HK2: variants seen among roughly 807,000 people sequenced by gnomAD.
The protein encoded by HK2 is hexokinase-2.
Under a neutral mutation model 92.9 loss-of-function variants are expected in HK2, and 42 were observed. That is an observed-to-expected ratio of 0.45 (90% CI 0.35 to 0.58). The LOEUF is 0.58. HK2 is among the 20% of genes least tolerant of loss of function. The pLI, the probability that HK2 is intolerant of heterozygous loss-of-function variation, is 0.00. For synonymous variants in HK2, 422 were observed against 468.0 expected, an observed-to-expected ratio of 0.90 and a Z score of 1.27; for missense variants, 978 against 1,245.1, an observed-to-expected ratio of 0.79 and a Z score of 3.23.
chr2:74,847,800 G>A (rs1172084224), intron 1 of HK2, among the ~76,000 whole-genome samples: 1 of 152,134 alleles, frequency 6.6e-6, no homozygotes, highest in African/African-American at 2.4e-5. Flanking sequence ...TCATCCCATC[G>A]GCCTATAACA....
At chr2:74,837,675 T>C (rs1004187733) in intron 1 of HK2, among the ~76,000 whole-genome samples, 3 of 142,546 alleles carry the variant, frequency 2.1e-5, no homozygotes, top group African/African-American at 8.0e-5. Flanking sequence ...CCCTTGTCTT[T>C]TTTTTTTTTT....
At chr2:74,881,941 C>A in intron 11 of HK2, 82 bp downstream of exon 11, 1 of 1,535,586 alleles carries the variant, frequency 6.5e-7, no homozygotes, top group Non-Finnish European at 9.0e-7. Context: ...CTCTGCTCAT[C>A]TGTGACCCTG....
chr2:74,843,968 A>T (rs1371095442), intron 1 of HK2, among the ~76,000 whole-genome samples: 1 of 152,166 alleles, frequency 6.6e-6, no homozygotes, highest in Non-Finnish European at 1.5e-5. Context: ...TCCTGTTATT[A>T]TCTATTATTC....
At position 74,839,324 on chromosome 2, in the gene HK2, C is replaced by T. The variant is rs556983316; in HGVS notation, c.63+4681C>T. ...CTTGGCACATTTTGGACACCTACCA[C>T]GTGCCATTAGTCCGCACGTATGGGA... On this transcript the variant is annotated intron_variant, in intron 1 of 17. Transcript: ENST00000290573. Among the ~76,000 whole-genome samples, 34 of 152,274 alleles carry T rather than the reference C, an allele frequency of 2.2e-4. No homozygotes were observed. In the Middle Eastern group the frequency reaches 0.01, roughly 46 times the overall value.
intron 2 of HK2, among the ~76,000 whole-genome samples, chr2:74,866,815 G>C (rs1255302152): frequency 1.3e-5 from 2 of 152,270 alleles, no homozygotes; most frequent in East Asian, 3.9e-4. Context: ...CTTTGAGGGG[G>C]CACCTGCTTG....
At chr2:74,871,425 C>T (rs549447075) in intron 3 of HK2, among the ~76,000 whole-genome samples, 1 of 152,332 alleles carries the variant, frequency 6.6e-6, no homozygotes, top group East Asian at 1.9e-4. Flanking sequence ...ACCTGAATGC[C>T]TCTAGTCTCA....
intron 16 of HK2, 120 bp downstream of exon 16, chr2:74,888,178 C>A: frequency 2.0e-6 from 2 of 1,014,712 alleles, no homozygotes; most frequent in Non-Finnish European, 3.1e-6. Context: ...TAGTGGCAAA[C>A]ACATTCATGT....
intron 1 of HK2, among the ~76,000 whole-genome samples, chr2:74,838,336 A>C (rs2422043): frequency 0.23 from 34,505 of 151,974 alleles, 4,383 homozygotes; most frequent in South Asian, 0.35. Context: ...AGGGCCAGCT[A>C]GTCTTAGGCT....
In HK2 at chr2:74,880,263, A is replaced by T; in HGVS notation, c.1266-2A>T. On this transcript the variant is annotated splice_acceptor_variant, in intron 9 of 17. Transcript: ENST00000290573. LOFTEE classifies it high-confidence loss of function. ...TCTCTTACCCGCCCTGGGGAACTGC[A>T]GTTTTGCCAAGCGTCTACATAAGAC... The T allele has an allele frequency of 6.2e-7, 1 of 1,614,104 alleles. No individual in the cohort carries two copies. Among genetic ancestry groups the T allele is most frequent in the Non-Finnish European group, 8.5e-7 (1 of 1,180,032 alleles).
intron 1 of HK2, 70 bp from the exon 2 acceptor site, chr2:74,854,223 T>A: frequency 2.8e-6 from 4 of 1,420,818 alleles, no homozygotes; most frequent in Non-Finnish European, 4.0e-6. Flanking sequence ...TGAGTGGTGT[T>A]CCATGACGTA....
At chr2:74,889,171 TC>T in intron 16 of HK2, 73 bp from the exon 17 acceptor site, 1 of 1,252,796 alleles carries the variant, frequency 8.0e-7, no homozygotes, top group Non-Finnish European at 1.1e-6. Flanking sequence ...CTGTAAGGAC[TC>T]AGGCCCTGGT....
At chr2:74,854,232 T>C in intron 1 of HK2, 61 bp from the exon 2 acceptor site, 1 of 1,496,740 alleles carries the variant, frequency 6.7e-7, no homozygotes, top group Non-Finnish European at 9.3e-7. Flanking sequence ...TTCCATGACG[T>C]ACACCTATGC....
intron 1 of HK2, among the ~76,000 whole-genome samples, chr2:74,843,236 TCTTTGCCCCTCATATACAGAC>T (rs1688357998): frequency 6.6e-6 from 1 of 152,152 alleles, no homozygotes; most frequent in South Asian, 2.1e-4. Context: ...GGCAGTCAGC[TCTTTGCCCCTCATATACAGAC>T]CCTGGGCTGT....
chr2:74,877,403 C>T lies in HK2; in HGVS notation c.1031+82C>T, dbSNP rs116187651. 8.6e-4 allele frequency: 1,279 copies of T among 1,487,558 alleles called. 8 individuals are homozygous for T. In the African/African-American group the frequency reaches 0.016, roughly 18 times the overall value. The allele number at this position is 1,487,558 out of a possible 1,614,324, so 92.1% of individuals were successfully genotyped here. A position where few individuals can be genotyped will look rare whatever the true frequency, so the allele number is the denominator to read the frequency against. On this transcript the variant is annotated intron_variant, in intron 8 of 17. Transcript: ENST00000290573. ...GTTGGGGAATGAGGAGGGGGCTGTACCTTTTGACTCTTCAAGTATAGACTG... is the reference window on the plus strand; with the variant it reads ...GTTGGGGAATGAGGAGGGGGCTGTATCTTTTGACTCTTCAAGTATAGACTG...
intron 10 of HK2, 58 bp from the exon 11 acceptor site, chr2:74,881,653 G>C (rs1289764308): frequency 1.0e-5 from 16 of 1,570,842 alleles, no homozygotes; most frequent in Non-Finnish European, 1.3e-5. Flanking sequence ...TAAGTGTACT[G>C]TCTCCACATT....
intron 1 of HK2, among the ~76,000 whole-genome samples, chr2:74,843,141 G>C (rs983111849): frequency 6.6e-6 from 1 of 152,072 alleles, no homozygotes; most frequent in Non-Finnish European, 1.5e-5. Flanking sequence ...TGGCCCCACC[G>C]ACCCCTGGAA....
intron 1 of HK2, among the ~76,000 whole-genome samples, chr2:74,838,528 ATTCT>A (rs1303946643): frequency 1.2e-4 from 17 of 147,716 alleles, no homozygotes; most frequent in East Asian, 2.0e-4. Flanking sequence ...GAGATGGAAG[ATTCT>A]TTCTATTTTT....
chr2:74,884,472 T>TG (rs1689473926), intron 12 of HK2, among the ~76,000 whole-genome samples: 2 of 152,200 alleles, frequency 1.3e-5, no homozygotes, highest in African/African-American at 2.4e-5. Flanking sequence ...AACACAAACT[T>TG]GCGTCAAACA....
At chr2:74,886,244 A>T in intron 13 of HK2, 50 bp from the exon 14 acceptor site, 1 of 1,299,258 alleles carries the variant, frequency 7.7e-7, no homozygotes, top group Non-Finnish European at 1.1e-6. Flanking sequence ...GTCTGAAAGG[A>T]GAATATTGGG....
Sources: gnomAD v4.1 joint callset for allele counts (sites outside exome capture counted in the v4.1 genomes callset) on GRCh38, gnomAD v4.1.1 for gene constraint, MANE v1.5 for transcripts, NCBI Gene and HGNC (gene_info 2026-07-23, HGNC 2026-07-21) for gene names.